Variants in ERBB4 observed in about 807,000 individuals in gnomAD.
The protein encoded by ERBB4 is receptor tyrosine-protein kinase erbB-4.
ERBB4 carries 42 observed loss-of-function variants against 158.0 expected under a neutral mutation model. That is an observed-to-expected ratio of 0.27 (90% CI 0.21 to 0.34). The LOEUF is 0.34. Ranked by LOEUF, ERBB4 falls within the 10% of genes least tolerant of loss-of-function variation. The pLI is 1.00. For synonymous variants in ERBB4, 583 were observed against 558.7 expected, an observed-to-expected ratio of 1.04 and a Z score of -0.61; for missense variants, 1,333 against 1,624.1, an observed-to-expected ratio of 0.82 and a Z score of 3.08.
intron 1 of ERBB4, among the ~76,000 whole-genome samples, chr2:212,511,476 T>C (rs1691516617): frequency 6.7e-6 from 1 of 149,916 alleles, no homozygotes; most frequent in African/African-American, 2.4e-5. Flanking sequence ...TAAAGCACAA[T>C]GAAATTATAT....
Position 212,379,103 on chromosome 2 carries a change from C to G in ERBB4, c.82+159346G>C, listed in dbSNP as rs559738452. 7.9e-4 allele frequency among the ~76,000 whole-genome samples: 120 copies of G among 151,696 alleles called. 1 individual carries two copies. The highest frequency in any genetic ancestry group is 5.8e-3 in the South Asian group (28 of 4,822). On this transcript the variant is annotated intron_variant, in intron 1 of 27. Transcript: ENST00000342788. ...GAAATGTTCAATTTTTGTGAATTCA[C>G]AATTAAAACCTTCAAACATTAGCTG...
rs1043240644 is a variant in ERBB4 at position 212,414,939 on chromosome 2, C to T, written c.82+123510G>A. ...AAACATTCAGAGAATTGAATCCAGA[C>T]ATCGACTTTAAGGCCAAAAGTTGCC... On this transcript the variant is annotated intron_variant, in intron 1 of 27. Transcript: ENST00000342788. Among the ~76,000 whole-genome samples, 5 of 152,192 alleles carry T rather than the reference C, an allele frequency of 3.3e-5. 1 individual carries two copies. The highest frequency in any genetic ancestry group is 7.2e-5 in the African/African-American group (3 of 41,450).
intron 1 of ERBB4, among the ~76,000 whole-genome samples, chr2:212,294,528 A>ATT (rs2086336897): frequency 6.6e-6 from 1 of 152,028 alleles, no homozygotes; most frequent in African/African-American, 2.4e-5. Flanking sequence ...CAACCTGTAA[A>ATT]TTATAATTCT....
At position 211,846,052 on chromosome 2, in the gene ERBB4, GTT is replaced by G. The variant is rs5838288; in HGVS notation, c.422-57895_422-57894del. On this transcript the variant is annotated intron_variant, in intron 3 of 27. Transcript: ENST00000342788. ...TTCAACTACAATACTGTTAATTGTT[GTT>G]TTTTTTTTTCATTTATAGTGAATAT... Among the ~76,000 whole-genome samples, 106 of 145,732 alleles carry G rather than the reference GTT, an allele frequency of 7.3e-4. 2 individuals carry two copies. Among genetic ancestry groups the G allele is most frequent in the African/African-American group, 2.5e-3 (101 of 40,072 alleles).
chr2:211,686,874 G>T (rs2072578709), intron 12 of ERBB4, among the ~76,000 whole-genome samples: 1 of 152,006 alleles, frequency 6.6e-6, no homozygotes, highest in Admixed American at 6.6e-5. Flanking sequence ...TTTGGAGGGG[G>T]TATTCTTTCT....
chr2:212,192,022 TTATA>T (rs767324608), intron 1 of ERBB4, among the ~76,000 whole-genome samples: 2 of 52,902 alleles, frequency 3.8e-5, no homozygotes, highest in African/African-American at 9.1e-5. Context: ...ATGTTATATG[TTATA>T]TATGTTATAT....
chr2:212,200,885 T>C (rs1467088061), intron 1 of ERBB4, among the ~76,000 whole-genome samples: 2 of 152,136 alleles, frequency 1.3e-5, no homozygotes, highest in Non-Finnish European at 2.9e-5. Context: ...TAGAAAGTGT[T>C]AAATATGGTC....
In ERBB4 at chr2:211,580,572, A is replaced by G. The variant is rs147871475; in HGVS notation, c.2302-18484T>C. Reference sequence around the variant, plus strand: ...GGTGGGAATGTAAACTAGTACAACCACTATGTAAAACAGTGTGGAGATTCC... The same window carrying G: ...GGTGGGAATGTAAACTAGTACAACCGCTATGTAAAACAGTGTGGAGATTCC... On this transcript the variant is annotated intron_variant, in intron 19 of 27. Transcript: ENST00000342788. Among the ~76,000 whole-genome samples the G allele has an allele frequency of 8.0e-3, 1,213 of 151,762 alleles. 20 individuals carry two copies. The highest frequency in any genetic ancestry group is 0.028 in the African/African-American group (1,152 of 41,410).
intron 1 of ERBB4, among the ~76,000 whole-genome samples, chr2:212,523,828 G>A (rs1222530559): frequency 6.6e-6 from 1 of 151,940 alleles, no homozygotes; most frequent in African/African-American, 2.4e-5. Flanking sequence ...TCATAGAAGA[G>A]GTTAGATCAG....
chr2:211,984,672 G>A (rs563727930), intron 2 of ERBB4, among the ~76,000 whole-genome samples: 4 of 152,120 alleles, frequency 2.6e-5, no homozygotes, highest in African/African-American at 7.2e-5. Flanking sequence ...GAAGAATAAT[G>A]TATAGCTATT....
chr2:211,868,287 G>A (rs554111548), intron 3 of ERBB4, among the ~76,000 whole-genome samples: 1 of 152,296 alleles, frequency 6.6e-6, no homozygotes, highest in Admixed American at 6.5e-5. Context: ...CAGAAAATGT[G>A]TATTTGAAGC....
chr2:212,531,868 G>A (rs563939065), intron 1 of ERBB4, among the ~76,000 whole-genome samples: 21 of 152,196 alleles, frequency 1.4e-4, no homozygotes, highest in African/African-American at 3.4e-4. Flanking sequence ...CTTATAGAAC[G>A]ATGTCTTTAA....
chr2:212,379,861 C>T (rs1489318907), intron 1 of ERBB4, among the ~76,000 whole-genome samples: 4 of 149,694 alleles, frequency 2.7e-5, no homozygotes, highest in Non-Finnish European at 6.0e-5. Context: ...TCCATACTAC[C>T]AATGGGAGGC....
chr2:211,890,563 T>G (rs1463946734), intron 3 of ERBB4, among the ~76,000 whole-genome samples: 1 of 149,152 alleles, frequency 6.7e-6, no homozygotes, highest in South Asian at 2.1e-4. Context: ...CAATATTAAC[T>G]TTAAATGTAA....
chr2:212,243,649 A>T (rs192965047), intron 1 of ERBB4, among the ~76,000 whole-genome samples: 1 of 152,124 alleles, frequency 6.6e-6, no homozygotes, highest in Non-Finnish European at 1.5e-5. Flanking sequence ...TTTTCAGGCA[A>T]TCTAGATTAC....
At chr2:212,388,186 A>G (rs1290188310) in intron 1 of ERBB4, among the ~76,000 whole-genome samples, 1 of 152,130 alleles carries the variant, frequency 6.6e-6, no homozygotes, top group Admixed American at 6.6e-5. Flanking sequence ...AAAAAGATAC[A>G]GAGAATTTAT....
intron 19 of ERBB4, among the ~76,000 whole-genome samples, chr2:211,588,471 C>G (rs1423213295): frequency 6.6e-6 from 1 of 151,982 alleles, no homozygotes; most frequent in African/African-American, 2.4e-5. Context: ...TGAGAAAATC[C>G]AAATTTTCTT....
At chr2:211,641,508 T>C (rs2070589535) in intron 16 of ERBB4, among the ~76,000 whole-genome samples, 1 of 152,120 alleles carries the variant, frequency 6.6e-6, no homozygotes, top group Admixed American at 6.6e-5. Context: ...TAAGGCTACA[T>C]AGATCTCATT....
At chr2:211,893,297 C>T (rs1458169776) in intron 3 of ERBB4, among the ~76,000 whole-genome samples, 2 of 144,580 alleles carry the variant, frequency 1.4e-5, no homozygotes, top group Non-Finnish European at 3.0e-5. Flanking sequence ...CTGAGAAAAA[C>T]AAGCAAGGGG....
Sources: allele counts gnomAD v4.1 joint callset (sites outside exome capture counted in the v4.1 genomes callset), GRCh38; gene constraint gnomAD v4.1.1; transcripts MANE v1.5; gene names NCBI Gene and HGNC (gene_info 2026-07-23, HGNC 2026-07-21).